Variants in TDRD3 observed in about 807,000 individuals in gnomAD.
The protein encoded by TDRD3 is tudor domain-containing protein 3.
TDRD3 carries 45 observed loss-of-function variants against 86.7 expected under a neutral mutation model. The observed-to-expected ratio is 0.52, with a 90% CI of 0.41 to 0.67. The LOEUF is 0.67. TDRD3 is among the 30% of genes least tolerant of loss of function. The pLI, the probability that TDRD3 is intolerant of heterozygous loss-of-function variation, is 0.00. For synonymous variants in TDRD3, 298 were observed against 301.7 expected, an observed-to-expected ratio of 0.99 and a Z score of 0.13; for missense variants, 814 against 889.0, an observed-to-expected ratio of 0.92 and a Z score of 1.07.
intron 7 of TDRD3, among the ~76,000 whole-genome samples, chr13:60,487,865 T>A (rs1188192246): frequency 6.6e-6 from 1 of 152,232 alleles, no homozygotes; most frequent in East Asian, 1.9e-4. Context: ...CTGTAATGGC[T>A]GCACTAATTT....
intron 12 of TDRD3, among the ~76,000 whole-genome samples, chr13:60,557,386 G>C (rs957392143): frequency 6.6e-6 from 1 of 152,152 alleles, no homozygotes; most frequent in Non-Finnish European, 1.5e-5. Context: ...GTGCTAAAGG[G>C]AAGATCAGAG....
chr13:60,422,298 A>G (rs777539649), intron 1 of TDRD3, among the ~76,000 whole-genome samples: 1 of 152,218 alleles, frequency 6.6e-6, no homozygotes, highest in Non-Finnish European at 1.5e-5. Flanking sequence ...AATGAAACCA[A>G]CCACTTCATT....
chr13:60,520,442 C>T (rs984030854), intron 10 of TDRD3, among the ~76,000 whole-genome samples: 16 of 152,194 alleles, frequency 1.1e-4, no homozygotes, highest in African/African-American at 3.6e-4. Flanking sequence ...GTTGTTCTCT[C>T]CTCTTGGACG....
At chr13:60,463,615 G>T (rs1955850296) in intron 4 of TDRD3, among the ~76,000 whole-genome samples, 1 of 151,986 alleles carries the variant, frequency 6.6e-6, no homozygotes, top group East Asian at 1.9e-4. Flanking sequence ...CTATCCATTT[G>T]ACAAGGGATT....
intron 5 of TDRD3, 62 bp from the exon 6 acceptor site, chr13:60,483,713 T>G: frequency 1.3e-6 from 2 of 1,482,658 alleles, no homozygotes; most frequent in Non-Finnish European, 1.8e-6. Flanking sequence ...TGTTACATTA[T>G]AAATGCTGGA....
chr13:60,570,943 C>T (rs910539496), intron 13 of TDRD3, among the ~76,000 whole-genome samples: 41 of 152,216 alleles, frequency 2.7e-4, no homozygotes, highest in East Asian at 5.8e-4. Flanking sequence ...CAAATAACAA[C>T]GCACACAGTT....
chr13:60,548,175 G>A (rs1011194622), intron 12 of TDRD3, among the ~76,000 whole-genome samples: 1 of 152,188 alleles, frequency 6.6e-6, no homozygotes. Flanking sequence ...GTGGCTATTT[G>A]TTTGGTCAGT....
intron 12 of TDRD3, among the ~76,000 whole-genome samples, chr13:60,550,993 A>G (rs1410425080): frequency 2.0e-5 from 3 of 152,180 alleles, no homozygotes; most frequent in South Asian, 4.1e-4. Flanking sequence ...AGTAGAAAGT[A>G]TTATGGATAA....
chr13:60,421,916 A>T (rs1954670263), intron 1 of TDRD3, among the ~76,000 whole-genome samples: 1 of 152,208 alleles, frequency 6.6e-6, no homozygotes, highest in Non-Finnish European at 1.5e-5. Context: ...TGAAAAATAA[A>T]GAAATTTGGC....
At chr13:60,553,757 C>T (rs747546785) in intron 12 of TDRD3, among the ~76,000 whole-genome samples, 18 of 152,022 alleles carry the variant, frequency 1.2e-4, no homozygotes, top group African/African-American at 3.9e-4. Context: ...TGGGGGAAAC[C>T]GACCCCATGA....
At chr13:60,513,165 G>A (rs901034044) in intron 10 of TDRD3, among the ~76,000 whole-genome samples, 1 of 152,210 alleles carries the variant, frequency 6.6e-6, no homozygotes, top group Non-Finnish European at 1.5e-5. Flanking sequence ...CTTGAGGCAT[G>A]CACCATCTGC....
intron 10 of TDRD3, among the ~76,000 whole-genome samples, chr13:60,511,648 C>A (rs559366952): frequency 6.6e-6 from 1 of 152,164 alleles, no homozygotes; most frequent in African/African-American, 2.4e-5. Context: ...GTCTCAGATG[C>A]TGATGTTAAG....
At position 60,494,483 on chromosome 13, in the gene TDRD3, A is replaced by T. The variant is rs748663076; in HGVS notation, c.766A>T (p.Met256Leu). 2.5e-6 allele frequency: 4 copies of T among 1,613,840 alleles called. No homozygotes were observed. The South Asian group carries it at 4.4e-5, about 18-fold the overall frequency. ...TGGTGGTGCTAGAAGTAATCTCAAT[A>T]TGAATGCTGCTGGTAACCGAAATAG... ...GGGGARSNLN[M>L]NAAGNRNREV... Residue 256 changes from methionine (M) to leucine (L), a missense_variant, in exon 8 of 14, where the codon ATG becomes TTG. Coordinates refer to ENST00000377881, the MANE Select transcript of TDRD3 (RefSeq NM_001146070.2).
intron 1 of TDRD3, among the ~76,000 whole-genome samples, chr13:60,425,079 C>G (rs532618534): frequency 2.6e-5 from 4 of 152,156 alleles, no homozygotes; most frequent in African/African-American, 7.2e-5. Flanking sequence ...ACAAAATAGA[C>G]AAACCATTAG....
chr13:60,429,093 A>G (rs949721513), intron 1 of TDRD3, among the ~76,000 whole-genome samples: 9 of 152,226 alleles, frequency 5.9e-5, no homozygotes, highest in African/African-American at 2.2e-4. Flanking sequence ...TTACTAATTC[A>G]TATTTATCAG....
chr13:60,559,883 G>C (rs1441120225), intron 12 of TDRD3, among the ~76,000 whole-genome samples: 1 of 151,728 alleles, frequency 6.6e-6, no homozygotes, highest in Non-Finnish European at 1.5e-5. Context: ...GGTAGATCTT[G>C]TGTTCTTTTC....
chr13:60,410,433 GT>G (rs1954335066), intron 1 of TDRD3, among the ~76,000 whole-genome samples: 1 of 152,170 alleles, frequency 6.6e-6, no homozygotes. Flanking sequence ...CAAAAAGGAC[GT>G]GTATGTGTTA....
At chr13:60,529,390 T>G (rs974343997) in intron 11 of TDRD3, among the ~76,000 whole-genome samples, 173 bp downstream of exon 11, 1 of 152,202 alleles carries the variant, frequency 6.6e-6, no homozygotes, top group Non-Finnish European at 1.5e-5. Context: ...TTTAATATTT[T>G]TATGGATGCC....
chr13:60,536,193 CA>C (rs1271706099), intron 12 of TDRD3: 2 of 151,896 alleles, frequency 1.3e-5, no homozygotes. Context: ...AAAACGGCAA[CA>C]GAAAAACAAA....
Sources: gnomAD v4.1 joint callset for allele counts (sites outside exome capture counted in the v4.1 genomes callset) on GRCh38, gnomAD v4.1.1 for gene constraint, MANE v1.5 for transcripts, NCBI Gene and HGNC (gene_info 2026-07-23, HGNC 2026-07-21) for gene names.